USP34: variants seen among roughly 807,000 people sequenced by gnomAD.
USP34 encodes the protein ubiquitin specific peptidase 34.
Under a neutral mutation model 460.3 loss-of-function variants are expected in USP34, and 70 were observed. That is an observed-to-expected ratio of 0.15 (90% CI 0.13 to 0.19). USP34 has a LOEUF of 0.19. Ranked by LOEUF, USP34 falls within the 10% of genes least tolerant of loss-of-function variation. The probability of loss-of-function intolerance (pLI) is 1.00; values close to 1 mark genes in which losing one functional copy is unlikely to be tolerated. For missense variants in USP34, 3,985 were observed against 4,236.2 expected, an observed-to-expected ratio of 0.94 and a Z score of 1.65; for synonymous variants, 1,647 against 1,405.3, an observed-to-expected ratio of 1.17 and a Z score of -3.85.
chr2:61,342,296 C>CTT (rs34298126), intron 16 of USP34, among the ~76,000 whole-genome samples: 41,655 of 94,974 alleles, frequency 0.44, 9,881 homozygotes, highest in South Asian at 0.69. Context: ...TGGCCGTTTC[C>CTT]TTTTTTTTTT....
chr2:61,323,243 G>A (rs538146380), intron 21 of USP34, among the ~76,000 whole-genome samples: 6 of 152,164 alleles, frequency 3.9e-5, no homozygotes, highest in African/African-American at 1.4e-4. Context: ...TGGGCGCAGC[G>A]GCTCACGCCT....
rs1694205739 is a variant in USP34, at chr2:61,416,749, CA to C, written c.131+3996del. ...GTTTTCCTCCTATTCTATTCCCAAT[CA>C]TTAAATTAATAAAATGATGATAATC... On this transcript the variant is annotated intron_variant, in intron 2 of 79. Coordinates refer to ENST00000398571, the MANE Select transcript of USP34 (RefSeq NM_014709.4). The C allele has an allele frequency of 1.6e-5, 6 of 365,062 alleles. No individual in the cohort carries two copies. In the Admixed American group the frequency reaches 1.8e-4, roughly 11 times the overall value. 22.6% of individuals were successfully genotyped at this position (365,062 alleles called of 1,614,324 possible).
chr2:61,339,731 T>C (rs966113583), intron 16 of USP34, 50 bp from the exon 17 acceptor site: 2 of 995,480 alleles, frequency 2.0e-6, no homozygotes, highest in Non-Finnish European at 1.4e-6. Context: ...TGCAGCTGAC[T>C]GATTATAGCA....
chr2:61,197,250 G>T (rs1264609099), intron 75 of USP34, among the ~76,000 whole-genome samples: 1 of 152,158 alleles, frequency 6.6e-6, no homozygotes, highest in South Asian at 2.1e-4. Flanking sequence ...CAGCCTGGGG[G>T]ACAGAGTGAG....
intron 41 of USP34, among the ~76,000 whole-genome samples, chr2:61,276,702 A>C (rs1689382932): frequency 6.6e-6 from 1 of 152,234 alleles, no homozygotes; most frequent in African/African-American, 2.4e-5. Context: ...AGAAGACTTC[A>C]ATCAACAAGG....
At chr2:61,461,723 C>T (rs527442230) in intron 1 of USP34, among the ~76,000 whole-genome samples, 4 of 152,114 alleles carry the variant, frequency 2.6e-5, no homozygotes, top group East Asian at 1.9e-4. Flanking sequence ...GGCACGACTA[C>T]GACTAAAAGA....
chr2:61,453,176 C>G (rs192958280), intron 1 of USP34, among the ~76,000 whole-genome samples: 2 of 152,000 alleles, frequency 1.3e-5, no homozygotes, highest in Non-Finnish European at 2.9e-5. Context: ...TTAGGGAGGC[C>G]GAAGCGGGTG....
Position 61,188,892 on chromosome 2 carries a change from G to C in USP34, c.10033+18C>G. On this transcript the variant is annotated intron_variant, in intron 79 of 79. Transcript: ENST00000398571. Reference sequence around the variant, plus strand: ...TCCTCCCACCCTAAAGGTAATGATAGTAGTCCATAAAGCTAACCTTTAGTT... The same window carrying C: ...TCCTCCCACCCTAAAGGTAATGATACTAGTCCATAAAGCTAACCTTTAGTT... 1 of 1,613,686 alleles carries C rather than the reference G, an allele frequency of 6.2e-7. No homozygotes were observed. The highest frequency in any genetic ancestry group is 8.5e-7 in the Non-Finnish European group (1 of 1,179,802).
At chr2:61,340,391 C>T (rs1691555350) in intron 16 of USP34, among the ~76,000 whole-genome samples, 1 of 152,136 alleles carries the variant, frequency 6.6e-6, no homozygotes, top group Non-Finnish European at 1.5e-5. Context: ...AGTTTTGCAT[C>T]ATTTCCTTTC....
intron 19 of USP34, among the ~76,000 whole-genome samples, chr2:61,332,566 C>A (rs1691303155): frequency 6.6e-6 from 1 of 152,024 alleles, no homozygotes; most frequent in Admixed American, 6.6e-5. Context: ...ACCACCTCCA[C>A]TGACTATAAT....
At chr2:61,227,570 G>T (rs1382429029) in intron 61 of USP34, among the ~76,000 whole-genome samples, 1 of 152,072 alleles carries the variant, frequency 6.6e-6, no homozygotes, top group East Asian at 1.9e-4. Flanking sequence ...AATTAGCCAG[G>T]CGTGGTGGCA....
At chr2:61,467,412 C>T (rs1052038911) in intron 1 of USP34, among the ~76,000 whole-genome samples, 2 of 151,198 alleles carry the variant, frequency 1.3e-5, no homozygotes, top group African/African-American at 2.4e-5. Flanking sequence ...AGCCTCCTGC[C>T]GAGGCGGGAT....
intron 34 of USP34, among the ~76,000 whole-genome samples, chr2:61,286,249 G>A (rs1025656732): frequency 3.3e-5 from 5 of 151,972 alleles, no homozygotes; most frequent in African/African-American, 9.7e-5. Context: ...CAGTATTAAC[G>A]CAACAGAAAT....
chr2:61,446,795 C>CAAA (rs202114862), intron 1 of USP34, among the ~76,000 whole-genome samples: 4 of 139,512 alleles, frequency 2.9e-5, no homozygotes, highest in African/African-American at 5.3e-5. Context: ...GACTCCACAT[C>CAAA]AAAAAAAAAA....
At position 61,314,707 on chromosome 2, in the gene USP34, A is replaced by C; in HGVS notation, c.3420T>G (p.Ser1140Arg). ...CTATCATAAGACTCTCCATGCACTT[A>C]CTAATAAATTCTTGCTCCTTCTCCA... ...TGLEKEQEFI[S>R]KCMESLMIAS... The change falls in exon 25 of 80, where the codon AGT (serine) becomes AGG (arginine). Residue 1140 changes from serine (S) to arginine (R), a missense_variant. Coordinates refer to ENST00000398571, the MANE Select transcript of USP34 (RefSeq NM_014709.4). 3 of 1,590,784 alleles carry C rather than the reference A, an allele frequency of 1.9e-6. No individual in the cohort carries two copies. Among genetic ancestry groups the C allele is most frequent in the Non-Finnish European group, 2.6e-6 (3 of 1,172,532 alleles).
chr2:61,245,887 G>A (rs1688404975), intron 50 of USP34, among the ~76,000 whole-genome samples: 1 of 152,096 alleles, frequency 6.6e-6, no homozygotes. Flanking sequence ...ACTGGGGACT[G>A]GTTTAATGAC....
chr2:61,234,623 T>C (rs922469960), intron 57 of USP34, among the ~76,000 whole-genome samples: 2 of 151,810 alleles, frequency 1.3e-5, no homozygotes, highest in African/African-American at 4.8e-5. Flanking sequence ...GAGTACAAAG[T>C]TTCAGGTTTA....
At chr2:61,386,400 T>A (rs1227025637) in intron 5 of USP34, among the ~76,000 whole-genome samples, 2 of 152,066 alleles carry the variant, frequency 1.3e-5, no homozygotes, top group Non-Finnish European at 2.9e-5. Context: ...AAACTATAAA[T>A]AAAAATGTAT....
intron 57 of USP34, among the ~76,000 whole-genome samples, chr2:61,233,954 A>G (rs998263800): frequency 2.0e-5 from 3 of 152,200 alleles, no homozygotes. Flanking sequence ...AGAAATATAT[A>G]CTGGGTGTTT....
Sources: allele counts gnomAD v4.1 joint callset (sites outside exome capture counted in the v4.1 genomes callset), GRCh38; gene constraint gnomAD v4.1.1; transcripts MANE v1.5; gene names NCBI Gene and HGNC (gene_info 2026-07-23, HGNC 2026-07-21).